Variants in DGCR2 observed in about 807,000 individuals in gnomAD.
DGCR2 encodes the protein DiGeorge syndrome critical region gene 2.
Under a neutral mutation model 51.6 loss-of-function variants are expected in DGCR2, and 24 were observed. The ratio of observed to expected loss-of-function variants is 0.47; its 90% CI spans 0.34 to 0.65. The LOEUF (loss-of-function observed/expected upper bound fraction) is 0.65, where lower values mean the gene tolerates loss of function less well. Among genes scored for constraint, DGCR2 ranks in the 30% least tolerant of loss-of-function variants. DGCR2 has a pLI of 0.01. For synonymous variants in DGCR2, 340 were observed against 315.4 expected, an observed-to-expected ratio of 1.08 and a Z score of -0.82; for missense variants, 765 against 772.1, an observed-to-expected ratio of 0.99 and a Z score of 0.11.
In DGCR2 at chr22:19,044,466, G is replaced by T. The variant is rs143320040; in HGVS notation, c.1007-2507C>A. ...TCAGAGACACCATGGGGAGCAGAAGGTCAGCAGGGATCAGAAGCTGAGACC... is the reference window on the plus strand; with the variant it reads ...TCAGAGACACCATGGGGAGCAGAAGTTCAGCAGGGATCAGAAGCTGAGACC... On this transcript the variant is annotated intron_variant, in intron 7 of 9. Coordinates refer to ENST00000263196, the MANE Select transcript of DGCR2 (RefSeq NM_005137.3). Among the ~76,000 whole-genome samples, 193 of 152,352 alleles carry T rather than the reference G, an allele frequency of 1.3e-3. 1 individual carries two copies. The highest frequency in any genetic ancestry group is 4.5e-3 in the African/African-American group (189 of 41,576).
At chr22:19,103,261 T>C (rs2083223502) in intron 1 of DGCR2, among the ~76,000 whole-genome samples, 1 of 149,168 alleles carries the variant, frequency 6.7e-6, no homozygotes, top group South Asian at 2.1e-4. Context: ...GTTTAAAAAG[T>C]ATAGAGTTAC....
intron 1 of DGCR2, among the ~76,000 whole-genome samples, chr22:19,117,780 AG>A (rs1325249746): frequency 2.6e-5 from 4 of 152,202 alleles, no homozygotes; most frequent in African/African-American, 7.2e-5. Context: ...CTTTTTGTCA[AG>A]AAAAAAAAGG....
At chr22:19,083,037 AG>A (rs1173012547) in intron 2 of DGCR2, among the ~76,000 whole-genome samples, 1 of 151,786 alleles carries the variant, frequency 6.6e-6, no homozygotes, top group Non-Finnish European at 1.5e-5. Context: ...CAGTGATACA[AG>A]AACGTGTCAC....
chr22:19,083,678 C>T (rs114860233), intron 2 of DGCR2, among the ~76,000 whole-genome samples: 4,106 of 114,594 alleles, frequency 0.036, 213 homozygotes, highest in African/African-American at 0.11. Flanking sequence ...TGGTTCCCCT[C>T]TCCCTCTCCC....
rs55877455 is a variant in DGCR2 at position 19,103,416 on chromosome 22, C to CTTT, written c.80-13929_80-13927dup. Reference sequence around the variant, plus strand: ...GTATTTTACCACAATAAAAAAAGTTCTTTTTTTTTTTTTTTTTTTTTTTTT... The same window carrying CTTT: ...GTATTTTACCACAATAAAAAAAGTTCTTTTTTTTTTTTTTTTTTTTTTTTTTTT... On this transcript the variant is annotated intron_variant, in intron 1 of 9. Coordinates refer to ENST00000263196, the MANE Select transcript of DGCR2 (RefSeq NM_005137.3). Among the ~76,000 whole-genome samples the CTTT allele has an allele frequency of 8.5e-3, 575 of 67,750 alleles. 44 individuals carry two copies. The highest frequency in any genetic ancestry group is 0.012 in the Non-Finnish European group (396 of 33,868). 44.4% of individuals were successfully genotyped at this position (67,750 alleles called of 152,430 possible).
intron 1 of DGCR2, among the ~76,000 whole-genome samples, chr22:19,099,814 CAAA>C (rs751981214): frequency 6.6e-6 from 1 of 151,392 alleles, no homozygotes; most frequent in Non-Finnish European, 1.5e-5. Flanking sequence ...ACTAAAAATA[CAAA>C]AAAATTAGCT....
At chr22:19,043,844 G>A (rs1005240420) in intron 7 of DGCR2, among the ~76,000 whole-genome samples, 5 of 152,186 alleles carry the variant, frequency 3.3e-5, no homozygotes, top group African/African-American at 9.7e-5. Flanking sequence ...TCCTCCCACG[G>A]GGCCAGGAAG....
chr22:19,097,702 A>G (rs2083157682), intron 1 of DGCR2, among the ~76,000 whole-genome samples: 1 of 152,176 alleles, frequency 6.6e-6, no homozygotes, highest in Admixed American at 6.5e-5. Context: ...ATGTCTGGGA[A>G]AGGCTCCAAA....
chr22:19,041,615 G>A (rs906596187), intron 8 of DGCR2, 192 bp downstream of exon 8: 3 of 682,878 alleles, frequency 4.4e-6, no homozygotes, highest in East Asian at 5.4e-5. Context: ...TGCCCACCCT[G>A]TGGCTCAATG....
intron 1 of DGCR2, among the ~76,000 whole-genome samples, chr22:19,092,787 T>C (rs2525034): frequency 0.41 from 62,622 of 151,942 alleles, 13,344 homozygotes; most frequent in African/African-American, 0.53. Context: ...ATTTTCAACA[T>C]TGCTGAGAAA....
chr22:19,057,755 C>CTCCT lies in DGCR2; in HGVS notation c.626-597_626-594dup, dbSNP rs2082619207. ...TCAAGGGAAACTGTCACCCACTCAG[C>CTCCT]TCCTGCCTAAGCCAGGCACAAGGCA... On this transcript the variant is annotated intron_variant, in intron 5 of 9. Coordinates refer to ENST00000263196, the MANE Select transcript of DGCR2 (RefSeq NM_005137.3). This position sits in a 1 kb window ranked among gnomAD's most constrained non-coding sequence, Gnocchi z 5.1. 8.3e-6 allele frequency among the ~76,000 whole-genome samples: 1 copy of CTCCT among 121,166 alleles called. No homozygotes were observed. Among genetic ancestry groups the CTCCT allele is most frequent in the Non-Finnish European group, 1.7e-5 (1 of 57,824 alleles). 79.5% of individuals were successfully genotyped at this position (121,166 alleles called of 152,430 possible).
intron 1 of DGCR2, among the ~76,000 whole-genome samples, chr22:19,099,358 T>C (rs1233762657): frequency 6.6e-6 from 1 of 151,762 alleles, no homozygotes; most frequent in African/African-American, 2.4e-5. Flanking sequence ...GGCAGGTAGA[T>C]TACTTAAGCC....
At chr22:19,063,131 G>A (rs1601534023) in intron 5 of DGCR2, 71 bp downstream of exon 5, 2 of 1,428,082 alleles carry the variant, frequency 1.4e-6, no homozygotes, top group East Asian at 2.3e-5. Context: ...GGGTAAGAGG[G>A]AGGAGGGGAG....
chr22:19,080,709 G>A (rs943586687), intron 2 of DGCR2, among the ~76,000 whole-genome samples: 7 of 152,162 alleles, frequency 4.6e-5, no homozygotes, highest in African/African-American at 1.2e-4. Context: ...GGTGGTACAC[G>A]CCTGTAGTCT....
At chr22:19,081,346 CAT>C (rs1007762852) in intron 2 of DGCR2, among the ~76,000 whole-genome samples, 34 of 152,294 alleles carry the variant, frequency 2.2e-4, no homozygotes, top group African/African-American at 6.3e-4. Flanking sequence ...TAGTTTACCA[CAT>C]GTGTATGTAT....
At chr22:19,089,246 G>T in intron 2 of DGCR2, 122 bp downstream of exon 2, 1 of 1,144,416 alleles carries the variant, frequency 8.7e-7, no homozygotes, top group Non-Finnish European at 1.2e-6. Flanking sequence ...GAAGGGGTCG[G>T]CTCAAACTAA....
rs781339684 is a variant in DGCR2 at position 19,041,927 on chromosome 22, C to G, written c.1039G>C (p.Gly347Arg). The G allele has an allele frequency of 6.2e-7, 1 of 1,613,318 alleles. No individual in the cohort carries two copies. The highest frequency in any genetic ancestry group is 1.7e-5 in the Admixed American group (1 of 59,954). ...ATGCAGCTGACGACCAGGCGCATCCCGCTGGCCATGGAGTCAAACAGACTG... is the reference window on the plus strand; with the variant it reads ...ATGCAGCTGACGACCAGGCGCATCCGGCTGGCCATGGAGTCAAACAGACTG... ...GNSLFDSMAS[G>R]MRLVVSCISS... Residue 347 changes from glycine (G) to arginine (R), a missense_variant, in exon 8 of 10, where the codon GGG (glycine) becomes CGG (arginine). Transcript: ENST00000263196.
intron 7 of DGCR2, chr22:19,048,185 G>A (rs1458364228): frequency 9.0e-6 from 5 of 555,136 alleles, no homozygotes; most frequent in South Asian, 2.1e-5. Flanking sequence ...AGCCACACTT[G>A]AGTTCAAGTT....
At chr22:19,067,413 C>A (rs2082761870) in intron 3 of DGCR2, among the ~76,000 whole-genome samples, 1 of 152,116 alleles carries the variant, frequency 6.6e-6, no homozygotes, top group Non-Finnish European at 1.5e-5. Context: ...CTTAAAATGG[C>A]TGGACACAGT....
Sources: gnomAD v4.1 joint callset for allele counts (sites outside exome capture counted in the v4.1 genomes callset) on GRCh38, gnomAD v4.1.1 for gene constraint, Gnocchi (gnomAD v3.1) non-coding constraint, MANE v1.5 for transcripts, NCBI Gene and HGNC (gene_info 2026-07-23, HGNC 2026-07-21) for gene names.